CALN1: variants seen among roughly 807,000 people sequenced by gnomAD.
The protein encoded by CALN1 is calneuron 1.
Under a neutral mutation model 30.6 loss-of-function variants are expected in CALN1, and 17 were observed. The observed-to-expected ratio is 0.56, with a 90% CI of 0.38 to 0.83. The LOEUF (loss-of-function observed/expected upper bound fraction) is 0.83, where lower values mean the gene tolerates loss of function less well. CALN1 is among the 40% of genes least tolerant of loss of function. The pLI is 0.00. For missense variants in CALN1, 291 were observed against 354.9 expected (o/e 0.82, Z 1.45); for synonymous variants, 156 against 131.4 (o/e 1.19, Z -1.28).
intron 2 of CALN1, among the ~76,000 whole-genome samples, chr7:72,291,506 C>T (rs1050773028): frequency 6.6e-6 from 1 of 152,206 alleles, no homozygotes; most frequent in Non-Finnish European, 1.5e-5. Context: ...AACTTAGAAG[C>T]CTGCACCACA....
intron 3 of CALN1, among the ~76,000 whole-genome samples, chr7:72,275,620 CA>C (rs1393806182): frequency 6.6e-6 from 1 of 152,190 alleles, no homozygotes; most frequent in Non-Finnish European, 1.5e-5. Flanking sequence ...AGGACAAACA[CA>C]GCATCTTCAC....
chr7:71,894,922 T>C (rs1478387022), intron 5 of CALN1, among the ~76,000 whole-genome samples: 1 of 152,168 alleles, frequency 6.6e-6, no homozygotes, highest in African/African-American at 2.4e-5. Flanking sequence ...AAAAACAGAC[T>C]GCAATGTTTG....
chr7:72,052,188 T>C lies in CALN1; in HGVS notation c.389-28419A>G, dbSNP rs76491425. On this transcript the variant is annotated intron_variant, in intron 4 of 6. Coordinates refer to ENST00000395275, the MANE Select transcript of CALN1 (RefSeq NM_031468.4). ...ACAGTGGCTGGGTCCTGGACAAACATTTAAAAAATCAATCGTTTCCTTGTG... is the reference window on the plus strand; with the variant it reads ...ACAGTGGCTGGGTCCTGGACAAACACTTAAAAAATCAATCGTTTCCTTGTG... Among the ~76,000 whole-genome samples, 42 of 152,242 alleles carry C rather than the reference T, an allele frequency of 2.8e-4. 1 individual carries two copies. In the East Asian group the frequency reaches 7.7e-3, roughly 28 times the overall value.
chr7:72,041,619 G>A (rs763088169), intron 4 of CALN1, among the ~76,000 whole-genome samples: 17 of 151,978 alleles, frequency 1.1e-4, no homozygotes, highest in Non-Finnish European at 2.1e-4. Flanking sequence ...CCTGACCTCA[G>A]GTGATCTGCC....
intron 5 of CALN1, among the ~76,000 whole-genome samples, chr7:71,963,529 T>C (rs1797365830): frequency 6.6e-6 from 1 of 152,082 alleles, no homozygotes; most frequent in Non-Finnish European, 1.5e-5. Context: ...GGTCTTGAAC[T>C]CCTGACCTCA....
intron 3 of CALN1, among the ~76,000 whole-genome samples, chr7:72,221,309 CTTCTT>C (rs1793273117): frequency 7.8e-6 from 1 of 128,066 alleles, no homozygotes; most frequent in Non-Finnish European, 1.6e-5. Flanking sequence ...CAAGTCTTGG[CTTCTT>C]TTTTTTTTTT....
chr7:72,080,943 C>G (rs1805095270), intron 4 of CALN1, among the ~76,000 whole-genome samples: 2 of 152,068 alleles, frequency 1.3e-5, no homozygotes, highest in South Asian at 4.1e-4. Flanking sequence ...GGTCTAGTAT[C>G]CGGGCCCAAT....
chr7:72,320,006 A>G (rs1004270998), intron 2 of CALN1, among the ~76,000 whole-genome samples: 5 of 152,102 alleles, frequency 3.3e-5, no homozygotes, highest in African/African-American at 1.2e-4. Flanking sequence ...ATACAAAAAC[A>G]AATTAGCCAG....
intron 5 of CALN1, among the ~76,000 whole-genome samples, chr7:71,850,353 T>C (rs965351185): frequency 6.6e-6 from 1 of 151,868 alleles, no homozygotes; most frequent in Non-Finnish European, 1.5e-5. Context: ...GTAGCTGGGA[T>C]TACAGGCGCA....
intron 3 of CALN1, among the ~76,000 whole-genome samples, chr7:72,222,746 C>T (rs968333793): frequency 3.9e-5 from 6 of 152,098 alleles, no homozygotes; most frequent in Admixed American, 1.3e-4. Context: ...GAAGGCCAGG[C>T]GTGGTGGCTC....
intron 4 of CALN1, among the ~76,000 whole-genome samples, chr7:72,069,127 A>T (rs992914079): frequency 6.6e-6 from 1 of 152,188 alleles, no homozygotes; most frequent in African/African-American, 2.4e-5. Context: ...AGGGCAAGTG[A>T]CACTGCAAAG....
intron 2 of CALN1, among the ~76,000 whole-genome samples, chr7:72,381,491 A>G (rs1804897136): frequency 2.0e-5 from 3 of 152,242 alleles, no homozygotes; most frequent in Non-Finnish European, 4.4e-5. Flanking sequence ...ATATACCACG[A>G]ATACTATGCA....
At chr7:72,344,557 T>C (rs1802528040) in intron 2 of CALN1, among the ~76,000 whole-genome samples, 2 of 147,672 alleles carry the variant, frequency 1.4e-5, no homozygotes, top group Non-Finnish European at 3.0e-5. Context: ...GGGATAAATA[T>C]ATATATATAT....
chr7:72,212,981 C>T (rs968908962), intron 3 of CALN1, among the ~76,000 whole-genome samples: 3 of 152,138 alleles, frequency 2.0e-5, no homozygotes, highest in Admixed American at 6.5e-5. Flanking sequence ...AAAACAGAAA[C>T]GCTCAAGAAA....
At chr7:71,872,180 A>C (rs921962310) in intron 5 of CALN1, among the ~76,000 whole-genome samples, 1 of 152,130 alleles carries the variant, frequency 6.6e-6, no homozygotes, top group African/African-American at 2.4e-5. Flanking sequence ...TGCACATTTG[A>C]TCTTCCTGAA....
At chr7:72,132,078 C>A (rs1253827912) in intron 3 of CALN1, among the ~76,000 whole-genome samples, 1 of 148,598 alleles carries the variant, frequency 6.7e-6, no homozygotes, top group Non-Finnish European at 1.5e-5. Context: ...ACAAATAACT[C>A]AATCTACACA....
At chr7:72,344,614 A>C (rs1467811676) in intron 2 of CALN1, among the ~76,000 whole-genome samples, 1 of 144,582 alleles carries the variant, frequency 6.9e-6, no homozygotes, top group Non-Finnish European at 1.5e-5. Flanking sequence ...TATGTATTTT[A>C]TGTATATATA....
At chr7:72,003,963 A>C (rs2129528733) in intron 5 of CALN1, among the ~76,000 whole-genome samples, 1 of 152,286 alleles carries the variant, frequency 6.6e-6, no homozygotes. Flanking sequence ...AATTCTCCCA[A>C]GTTGACTTAT....
intron 2 of CALN1, among the ~76,000 whole-genome samples, chr7:72,341,791 TAGC>T (rs1802398028): frequency 6.6e-6 from 1 of 152,206 alleles, no homozygotes; most frequent in African/African-American, 2.4e-5. Context: ...CTATGTGAAA[TAGC>T]AGTTCACTCA....
Sources: allele counts gnomAD v4.1 joint callset (sites outside exome capture counted in the v4.1 genomes callset), GRCh38; gene constraint gnomAD v4.1.1; transcripts MANE v1.5; gene names NCBI Gene and HGNC (gene_info 2026-07-23, HGNC 2026-07-21).